The following CSMD1 variants were observed in gnomAD, a reference collection of about 807,000 sequenced individuals.
CSMD1 encodes the protein CUB and Sushi multiple domains 1.
A neutral mutation model predicts 417.5 loss-of-function variants in CSMD1; 213 were observed. That is an observed-to-expected ratio of 0.51 (90% confidence interval 0.46 to 0.57). The LOEUF is 0.57. Ranked by LOEUF, CSMD1 falls within the 20% of genes least tolerant of loss-of-function variation. The probability of loss-of-function intolerance (pLI) is 0.00; values close to 1 mark genes in which losing one functional copy is unlikely to be tolerated. For synonymous variants in CSMD1, 2,862 were observed against 1,736.8 expected, an observed-to-expected ratio of 1.65 and a Z score of -16.11; for missense variants, 6,923 against 4,529.7, an observed-to-expected ratio of 1.53 and a Z score of -15.17.
intron 5 of CSMD1, among the ~76,000 whole-genome samples, chr8:3,808,034 A>G (rs143625025): frequency 6.6e-6 from 1 of 152,172 alleles, no homozygotes; most frequent in East Asian, 1.9e-4. Context: ...TCTATTTTTA[A>G]ATTGCCTTTT....
chr8:3,701,115 T>A (rs886801304), intron 7 of CSMD1, among the ~76,000 whole-genome samples: 1 of 151,966 alleles, frequency 6.6e-6, no homozygotes, highest in East Asian at 1.9e-4. Context: ...ACAGACTTCT[T>A]CTGTGAGAGG....
At chr8:4,502,490 C>T (rs1019324161) in intron 2 of CSMD1, among the ~76,000 whole-genome samples, 1 of 152,116 alleles carries the variant, frequency 6.6e-6, no homozygotes, top group Non-Finnish European at 1.5e-5. Flanking sequence ...TTACCAAATT[C>T]TGAGGGCCAT....
At chr8:4,273,893 A>G (rs1563370723) in intron 3 of CSMD1, among the ~76,000 whole-genome samples, 1 of 152,170 alleles carries the variant, frequency 6.6e-6, no homozygotes. Context: ...AGTGTTCAGT[A>G]AGTGTTGACT....
At chr8:3,330,467 G>T (rs1454644856) in intron 23 of CSMD1, among the ~76,000 whole-genome samples, 2 of 152,172 alleles carry the variant, frequency 1.3e-5, no homozygotes, top group African/African-American at 4.8e-5. Flanking sequence ...GAGCTGGAGG[G>T]TATTATCGTT....
chr8:3,027,758 A>G (rs1216762847), intron 51 of CSMD1, among the ~76,000 whole-genome samples: 1 of 152,246 alleles, frequency 6.6e-6, no homozygotes, highest in African/African-American at 2.4e-5. Context: ...TACAGTTGAT[A>G]AAACCAGAGG....
At chr8:4,196,317 A>G (rs542406015) in intron 3 of CSMD1, among the ~76,000 whole-genome samples, 1 of 152,214 alleles carries the variant, frequency 6.6e-6, no homozygotes, top group Non-Finnish European at 1.5e-5. Context: ...TCGCTGCCGT[A>G]CATTACTACA....
chr8:3,165,540 T>TC (rs1005379297), intron 37 of CSMD1, among the ~76,000 whole-genome samples: 30 of 152,222 alleles, frequency 2.0e-4, no homozygotes, highest in African/African-American at 6.5e-4. Flanking sequence ...CATGCCATTC[T>TC]CCTGCCTCAG....
chr8:3,374,201 G>C (rs536261062), intron 18 of CSMD1, among the ~76,000 whole-genome samples: 18 of 151,942 alleles, frequency 1.2e-4, no homozygotes, highest in Admixed American at 6.5e-4. Context: ...TCATCTACCT[G>C]CCCCGCCTCA....
intron 1 of CSMD1, among the ~76,000 whole-genome samples, chr8:4,948,094 G>T (rs978890880): frequency 1.3e-5 from 2 of 151,632 alleles, no homozygotes; most frequent in African/African-American, 4.8e-5. Context: ...TTTTTTTTAA[G>T]TGCCAATTAT....
chr8:3,346,106 A>G (rs761963774), intron 22 of CSMD1, among the ~76,000 whole-genome samples: 3 of 152,198 alleles, frequency 2.0e-5, no homozygotes, highest in African/African-American at 7.2e-5. Context: ...TTTTTAACAG[A>G]GATATTTTTT....
intron 3 of CSMD1, among the ~76,000 whole-genome samples, chr8:4,335,790 TACC>T (rs1191430559): frequency 2.7e-4 from 41 of 152,172 alleles, no homozygotes; most frequent in African/African-American, 9.6e-4. Flanking sequence ...CATACCACGT[TACC>T]TGTGATCCCA....
chr8:4,742,825 C>A (rs947745884), intron 1 of CSMD1, among the ~76,000 whole-genome samples: 2 of 152,036 alleles, frequency 1.3e-5, no homozygotes, highest in African/African-American at 4.8e-5. Flanking sequence ...TTCTGTAGAG[C>A]ATTTTTATAT....
At chr8:4,256,815 C>T (rs777704275) in intron 3 of CSMD1, among the ~76,000 whole-genome samples, 7 of 152,110 alleles carry the variant, frequency 4.6e-5, no homozygotes, top group Non-Finnish European at 1.0e-4. Context: ...GGCATAAAGT[C>T]GAGTTATGAG....
chr8:4,254,379 C>T (rs757982115), intron 3 of CSMD1, among the ~76,000 whole-genome samples: 9 of 152,144 alleles, frequency 5.9e-5, no homozygotes, highest in South Asian at 2.1e-4. Context: ...GGCTGCATGA[C>T]GATGTCTCAG....
intron 2 of CSMD1, among the ~76,000 whole-genome samples, chr8:4,437,178 A>C (rs7822231): frequency 2.0e-5 from 3 of 152,186 alleles, no homozygotes; most frequent in African/African-American, 4.8e-5. Context: ...AAACAAAGCA[A>C]AACTTTGTTG....
intron 20 of CSMD1, among the ~76,000 whole-genome samples, chr8:3,362,813 A>C (rs1809285481): frequency 6.6e-6 from 1 of 152,112 alleles, no homozygotes; most frequent in South Asian, 2.1e-4. Context: ...CCTGCCAATC[A>C]AGTCAGCTCT....
At chr8:3,923,918 A>G (rs1218943703) in intron 5 of CSMD1, among the ~76,000 whole-genome samples, 1 of 152,196 alleles carries the variant, frequency 6.6e-6, no homozygotes, top group African/African-American at 2.4e-5. Flanking sequence ...TTTAAATTTC[A>G]TAAAAGAGTT....
intron 2 of CSMD1, among the ~76,000 whole-genome samples, chr8:4,582,679 C>A (rs1050768676): frequency 6.6e-6 from 1 of 152,222 alleles, no homozygotes; most frequent in Non-Finnish European, 1.5e-5. Flanking sequence ...GTCCTCCCAG[C>A]CCTCGCTCGC....
At chr8:3,771,548 C>T (rs923848770) in intron 5 of CSMD1, among the ~76,000 whole-genome samples, 6 of 152,084 alleles carry the variant, frequency 3.9e-5, no homozygotes, top group Non-Finnish European at 8.8e-5. Flanking sequence ...ATAGCATCAC[C>T]ATTGCAGAAA....
Sources: allele counts gnomAD v4.1 joint callset (sites outside exome capture counted in the v4.1 genomes callset), GRCh38; gene constraint gnomAD v4.1.1; transcripts MANE v1.5; gene names NCBI Gene and HGNC (gene_info 2026-07-23, HGNC 2026-07-21).